The following MMGT1 variants were observed in gnomAD, a reference collection of about 807,000 sequenced individuals.
MMGT1 encodes the protein membrane magnesium transporter 1.
A neutral mutation model predicts 11.7 loss-of-function variants in MMGT1; 2 were observed. The observed-to-expected ratio is 0.17, with a 90% CI of 0.07 to 0.54. MMGT1 has a LOEUF of 0.54. Among genes scored for constraint, MMGT1 ranks in the 20% least tolerant of loss-of-function variants. MMGT1 has a pLI of 0.94. For missense variants in MMGT1, 74 were observed against 109.0 expected, an observed-to-expected ratio of 0.68 and a Z score of 1.43; for synonymous variants, 49 against 44.4, an observed-to-expected ratio of 1.10 and a Z score of -0.41.
Position 135,973,978 on chromosome X carries a change from G to A in MMGT1, c.-303C>T, listed in dbSNP as rs1481021544. 2.4e-5 allele frequency: 24 copies of A among 994,812 alleles called. No homozygotes were observed. The East Asian group carries it at 1.0e-3, about 42-fold the overall frequency. 82.0% of individuals were successfully genotyped at this position (994,812 alleles called of 1,213,427 possible). A position where few individuals can be genotyped will look rare whatever the true frequency, so the allele number is the denominator to read the frequency against. ...AAGAGGCGAAAGCGGGAGCTACGGG[G>A]AAGCGAAGAGGAAGGGCGCCGGCAA... is the stretch of plus-strand genomic sequence containing the variant. On this transcript the variant is annotated 5_prime_UTR_variant, in exon 1 of 4. Transcript: ENST00000305963.
At chrX:135,968,538 T>TGTGTGTG (rs1556612227) in intron 2 of MMGT1, among the ~76,000 whole-genome samples, 6 of 106,406 alleles carry the variant, frequency 5.6e-5, no homozygotes, top group Non-Finnish European at 7.8e-5. Context: ...TGTGTGTGTG[T>TGTGTGTG]TTTCTTTTTT....
intron 3 of MMGT1, among the ~76,000 whole-genome samples, chrX:135,967,188 T>G (rs1318181193): frequency 8.9e-6 from 1 of 112,474 alleles, no homozygotes; most frequent in East Asian, 2.8e-4. Flanking sequence ...GATTCTACTG[T>G]GAATAATCTG....
rs572823248 is a variant in MMGT1, at chrX:135,968,131, C to T, written c.133-638G>A. Among the ~76,000 whole-genome samples the T allele has an allele frequency of 4.9e-4, 55 of 112,138 alleles. 1 individual carries two copies. The highest frequency in any genetic ancestry group is 2.2e-3 in the South Asian group (6 of 2,733). On this transcript the variant is annotated intron_variant, in intron 2 of 3. Transcript: ENST00000305963. Reference sequence around the variant, plus strand: ...CCTCCCAAAGTGCTGGGATTACAGGCGTGAGCCACCACACCCAGCCAGTAT... The same window carrying T: ...CCTCCCAAAGTGCTGGGATTACAGGTGTGAGCCACCACACCCAGCCAGTAT...
intron 2 of MMGT1, 31 bp from the exon 3 acceptor site, chrX:135,967,524 AAC>A: frequency 1.2e-6 from 1 of 811,932 alleles, no homozygotes; most frequent in Non-Finnish European, 1.8e-6. Context: ...AATACTAAAT[AAC>A]ACAAACATTA....
chrX:135,971,204 T>G, intron 1 of MMGT1, 94 bp from the exon 2 acceptor site: 1 of 578,303 alleles, frequency 1.7e-6, no homozygotes. Context: ...GGCTGACTTA[T>G]GTGCAGCACA....
rs782636339 is a variant in MMGT1 at position 135,965,120 on chromosome X, A to T, written c.300T>A (p.Leu100=). Residue 100 remains leucine (L), a synonymous_variant, in exon 4 of 4, where the codon CTT becomes CTA. Coordinates refer to ENST00000305963, the MANE Select transcript of MMGT1 (RefSeq NM_173470.3). ...AATTTGCTGTATCCGAAGGCCGGAA[A>T]AGTACTCGACCACGATGATTAAATA... ...FYVFNHRGRV[L]FRPSDTANSS... 1 of 1,208,148 alleles carries T rather than the reference A, an allele frequency of 8.3e-7. No individual in the cohort carries two copies. Among genetic ancestry groups the T allele is most frequent in the Non-Finnish European group, 1.1e-6 (1 of 892,138 alleles).
chrX:135,961,915 C>T lies in MMGT1; in HGVS notation c.*3109G>A, dbSNP rs1363998125. On this transcript the variant is annotated 3_prime_UTR_variant, in exon 4 of 4. Transcript: ENST00000305963. ...AACATAAAACTGCAGTAAGATTTTA[C>T]ATGTACAATTAAATTATCCATTGAA... Among the ~76,000 whole-genome samples the T allele has an allele frequency of 9.0e-6, 1 of 110,901 alleles. No individual in the cohort carries two copies. The highest frequency in any genetic ancestry group is 3.3e-5 in the African/African-American group (1 of 30,440).
At chrX:135,970,413 G>A (rs1186691628) in intron 2 of MMGT1, among the ~76,000 whole-genome samples, 4 of 111,608 alleles carry the variant, frequency 3.6e-5, no homozygotes, top group African/African-American at 1.3e-4. Context: ...TACCACCTAT[G>A]TATGTCCCTA....
At chrX:135,971,027 A>T in intron 2 of MMGT1, 31 bp downstream of exon 2, 1 of 1,034,786 alleles carries the variant, frequency 9.7e-7, no homozygotes, top group Non-Finnish European at 1.3e-6. Flanking sequence ...TTTTAAACAT[A>T]CATGTAACGG....
chrX:135,961,702 T>C lies in MMGT1; in HGVS notation c.*3322A>G, dbSNP rs1386263114. Among the ~76,000 whole-genome samples the C allele has an allele frequency of 8.9e-6, 1 of 111,882 alleles. No individual in the cohort carries two copies. The highest frequency in any genetic ancestry group is 3.2e-5 in the African/African-American group (1 of 30,800). ...TTCATTAAACTTTATATTTGCTTCC[T>C]TGATGCTTTAATCATAACGATTTCC... On this transcript the variant is annotated 3_prime_UTR_variant, in exon 4 of 4. Coordinates refer to ENST00000305963, the MANE Select transcript of MMGT1 (RefSeq NM_173470.3).
rs901170366 is a variant in MMGT1 at position 135,964,286 on chromosome X, T to C, written c.*738A>G. 8.8e-6 allele frequency: 1 copy of C among 113,212 alleles called. No homozygotes were observed. The highest frequency in any genetic ancestry group is 1.9e-5 in the Non-Finnish European group (1 of 53,357). The allele number at this position is 113,212 out of a possible 1,213,427, so 9.3% of individuals were successfully genotyped here. A position where few individuals can be genotyped will look rare whatever the true frequency, so the allele number is the denominator to read the frequency against. On this transcript the variant is annotated 3_prime_UTR_variant, in exon 4 of 4. Transcript: ENST00000305963. ...CTAGTCTTCAACTATTCTTACACTA[T>C]ATAATCAATTAGGGAAATTTTTACA...
rs2089153786 is a variant in MMGT1 at position 135,961,354 on chromosome X, T to C, written c.*3670A>G. 3.6e-5 allele frequency among the ~76,000 whole-genome samples: 4 copies of C among 111,840 alleles called. No individual in the cohort carries two copies. In the South Asian group the frequency reaches 1.5e-3, roughly 41 times the overall value. ...AGTATATATAGTCTGATTCTATTAA[T>C]GTGAAATTTTTAAAGTACAAATTTG... is the stretch of plus-strand genomic sequence containing the variant. On this transcript the variant is annotated 3_prime_UTR_variant, in exon 4 of 4. Transcript: ENST00000305963.
At chrX:135,970,579 AC>A (rs1329618076) in intron 2 of MMGT1, among the ~76,000 whole-genome samples, 30 of 111,896 alleles carry the variant, frequency 2.7e-4, no homozygotes, top group Non-Finnish European at 5.1e-4. Flanking sequence ...AAATAGAGAA[AC>A]CTTTCCAAAT....
chrX:135,973,804 T>A lies in MMGT1; in HGVS notation c.-129A>T, dbSNP rs868996170. 4.3e-6 allele frequency: 5 copies of A among 1,162,885 alleles called. No homozygotes were observed. Among genetic ancestry groups the A allele is most frequent in the Non-Finnish European group, 5.7e-6 (5 of 871,606 alleles). On this transcript the variant is annotated 5_prime_UTR_variant, in exon 1 of 4. Coordinates refer to ENST00000305963, the MANE Select transcript of MMGT1 (RefSeq NM_173470.3). Reference sequence around the variant, plus strand: ...AAGTCCTGAGCGCAAAGTGTCTCAGTGGTGGAAAAGCCAGAGGGCTGTGAG... The same window carrying A: ...AAGTCCTGAGCGCAAAGTGTCTCAGAGGTGGAAAAGCCAGAGGGCTGTGAG...
At chrX:135,967,772 A>T (rs1378693037) in intron 2 of MMGT1, among the ~76,000 whole-genome samples, 1 of 112,311 alleles carries the variant, frequency 8.9e-6, no homozygotes, top group Admixed American at 9.4e-5. Context: ...TCAGAACTCA[A>T]TGATCAAATA....
rs150859420 is a variant in MMGT1, at chrX:135,965,109, G to A, written c.311C>T (p.Ser104Leu). Residue 104 changes from serine (S) to leucine (L), a missense_variant, in exon 4 of 4, where the codon TCG becomes TTG. This residue lies in a region of MMGT1 where 34 missense variants were observed against 29.3 expected (regional missense o/e 1.16). Transcript: ENST00000305963. The part of the protein sequence containing the change: ...NHRGRVLFRP[S>L]DTANSSNQDA... ...TTGGTTTGAAGAATTTGCTGTATCC[G>A]AAGGCCGGAAAAGTACTCGACCACG... 216 of 1,205,221 alleles carry A rather than the reference G, an allele frequency of 1.8e-4. No individual in the cohort carries two copies. Among genetic ancestry groups the A allele is most frequent in the Admixed American group, 2.4e-4 (11 of 45,691 alleles).
At chrX:135,967,326 T>A in intron 3 of MMGT1, 64 bp downstream of exon 3, 1 of 717,675 alleles carries the variant, frequency 1.4e-6, no homozygotes, top group South Asian at 2.5e-5. Flanking sequence ...ACATACTTTT[T>A]AAAATTATGT....
At chrX:135,965,507 C>T (rs2089180299) in intron 3 of MMGT1, among the ~76,000 whole-genome samples, 1 of 111,532 alleles carries the variant, frequency 9.0e-6, no homozygotes, top group African/African-American at 3.3e-5. Flanking sequence ...ACTCAAGCGA[C>T]CCTCTCATCT....
intron 2 of MMGT1, among the ~76,000 whole-genome samples, chrX:135,967,753 C>G (rs2089194112): frequency 8.9e-6 from 1 of 111,852 alleles, no homozygotes; most frequent in Non-Finnish European, 1.9e-5. Flanking sequence ...CTGAATGGTA[C>G]TGAGCCACTC....
Sources: gnomAD v4.1 joint callset for allele counts (sites outside exome capture counted in the v4.1 genomes callset) on GRCh38, gnomAD v4.1.1 for gene constraint, gnomAD v4.1.1 regional missense constraint, MANE v1.5 for transcripts, NCBI Gene and HGNC (gene_info 2026-07-23, HGNC 2026-07-21) for gene names.